The following GATAD2A variants were observed in gnomAD, a reference collection of about 807,000 sequenced individuals.
The protein encoded by GATAD2A is transcriptional repressor p66-alpha.
GATAD2A carries 12 observed loss-of-function variants against 68.5 expected under a neutral mutation model. That is an observed-to-expected ratio of 0.18 (90% confidence interval 0.11 to 0.28). The LOEUF (loss-of-function observed/expected upper bound fraction) is 0.28, where lower values mean the gene tolerates loss of function less well. GATAD2A is among the 10% of genes least tolerant of loss of function. GATAD2A has a pLI of 1.00. For missense variants in GATAD2A, 755 were observed against 868.5 expected (o/e 0.87, Z 1.64); for synonymous variants, 410 against 375.3 (o/e 1.09, Z -1.07).
chr19:19,410,553 C>G (rs574833795), intron 1 of GATAD2A, among the ~76,000 whole-genome samples: 1 of 152,184 alleles, frequency 6.6e-6, no homozygotes, highest in Non-Finnish European at 1.5e-5. Flanking sequence ...CCTGCCTTGC[C>G]GGTTAGATAT....
At chr19:19,406,745 G>C (rs1249652962) in intron 1 of GATAD2A, among the ~76,000 whole-genome samples, 1 of 152,186 alleles carries the variant, frequency 6.6e-6, no homozygotes, top group Non-Finnish European at 1.5e-5. Context: ...GCCAAGAATC[G>C]GAATTGATCA....
chr19:19,387,355 C>T lies in GATAD2A; in HGVS notation c.-7+1217C>T, dbSNP rs1401579955. Among the ~76,000 whole-genome samples, 7 of 150,644 alleles carry T rather than the reference C, an allele frequency of 4.6e-5. No individual in the cohort carries two copies. The South Asian group carries it at 1.1e-3, about 23-fold the overall frequency. On this transcript the variant is annotated intron_variant, in intron 1 of 11. Coordinates refer to the GATAD2A transcript ENST00000360315. ...TTTTTTTTGAGACAGAGTCTCATTC[C>T]GTCTCCCAGGCTGGAGTGCAGTGGT...
chr19:19,446,095 C>A (rs940493154), intron 1 of GATAD2A, among the ~76,000 whole-genome samples: 1 of 152,172 alleles, frequency 6.6e-6, no homozygotes, highest in African/African-American at 2.4e-5. Context: ...GTCACTCTAC[C>A]GTTTTACTTT....
intron 1 of GATAD2A, among the ~76,000 whole-genome samples, chr19:19,463,951 TG>T (rs1222329165): frequency 1.3e-5 from 2 of 152,236 alleles, no homozygotes; most frequent in Non-Finnish European, 2.9e-5. Flanking sequence ...CTTGCGCTAT[TG>T]CTCATTTGTG....
chr19:19,403,034 A>G (rs2049911786), upstream of GATAD2A, among the ~76,000 whole-genome samples: 1 of 152,020 alleles, frequency 6.6e-6, no homozygotes, highest in South Asian at 2.1e-4. Context: ...CGGCCTCCCA[A>G]AGTTCTGGGA....
In GATAD2A at chr19:19,408,881, T is replaced by A. The variant is rs968707432; in HGVS notation, c.-7+2862T>A. On this transcript the variant is annotated intron_variant, in intron 1 of 11. Coordinates refer to ENST00000683918, the MANE Select transcript of GATAD2A (RefSeq NM_001384528.1). Reference sequence around the variant, plus strand: ...TCAGAGAACAAGAAGGGGGACCCTCTTGAAGGGGATTAAGGCAAGGGCTGG... The same window carrying A: ...TCAGAGAACAAGAAGGGGGACCCTCATGAAGGGGATTAAGGCAAGGGCTGG... 5.9e-5 allele frequency among the ~76,000 whole-genome samples: 9 copies of A among 152,212 alleles called. 1 individual carries two copies. In the Middle Eastern group the frequency reaches 0.027, roughly 460 times the overall value.
intron 1 of GATAD2A, among the ~76,000 whole-genome samples, chr19:19,463,006 A>T (rs925880007): frequency 4.6e-5 from 7 of 152,088 alleles, no homozygotes; most frequent in African/African-American, 1.4e-4. Flanking sequence ...TATGTCCTGG[A>T]GGTGGAGGTG....
chr19:19,403,644 A>G (rs1287855296), upstream of GATAD2A, among the ~76,000 whole-genome samples: 1 of 152,114 alleles, frequency 6.6e-6, no homozygotes, highest in Non-Finnish European at 1.5e-5. Flanking sequence ...TATCTGTCTC[A>G]AGTGTCAGGT....
rs150309437 is a variant in GATAD2A, at chr19:19,468,009, T to G, written c.269+2395T>G. Among the ~76,000 whole-genome samples, 802 of 152,346 alleles carry G rather than the reference T, an allele frequency of 5.3e-3. 6 individuals are homozygous for G. The highest frequency in any genetic ancestry group is 0.041 in the South Asian group (196 of 4,826). On this transcript the variant is annotated intron_variant, in intron 2 of 11. Coordinates refer to ENST00000683918, the MANE Select transcript of GATAD2A (RefSeq NM_001384528.1). Reference sequence around the variant, plus strand: ...TAAATTGAGGGTGGAGGGCAACTTCTGGTTGTGTTGAATGAGGAGATTGGC... The same window carrying G: ...TAAATTGAGGGTGGAGGGCAACTTCGGGTTGTGTTGAATGAGGAGATTGGC...
chr19:19,454,454 C>T (rs1013706242), intron 1 of GATAD2A, among the ~76,000 whole-genome samples: 1 of 151,806 alleles, frequency 6.6e-6, no homozygotes, highest in African/African-American at 2.4e-5. Context: ...AAAAAATTAG[C>T]TGGGTGTGTT....
intron 2 of GATAD2A, among the ~76,000 whole-genome samples, chr19:19,478,575 CAG>C (rs1425505973): frequency 1.3e-5 from 2 of 151,486 alleles, no homozygotes; most frequent in Non-Finnish European, 2.9e-5. Flanking sequence ...GCCTCGGCGA[CAG>C]AGTGAGACTC....
chr19:19,458,172 T>C (rs540469054), intron 1 of GATAD2A, among the ~76,000 whole-genome samples: 47 of 152,296 alleles, frequency 3.1e-4, no homozygotes, highest in Non-Finnish European at 5.6e-4. Context: ...GTAGTAGACA[T>C]CTGTTCTCCT....
rs2060300116 is a variant in GATAD2A at position 19,498,510 on chromosome 19, T to C, written c.992T>C (p.Val331Ala). The C allele has an allele frequency of 6.2e-7, 1 of 1,613,646 alleles. No homozygotes were observed. Among genetic ancestry groups the C allele is most frequent in the African/African-American group, 1.3e-5 (1 of 74,928 alleles). Reference sequence around the variant, plus strand: ...CAGGCCAACTCCACCCCCACTAGTGTGGCCTCTGTGGTCACCTCTGCCGAG... The same window carrying C: ...CAGGCCAACTCCACCCCCACTAGTGCGGCCTCTGTGGTCACCTCTGCCGAG... Reference protein sequence around the residue: ...SAQANSTPTSVASVVTSAESP... With the variant: ...SAQANSTPTSAASVVTSAESP... The change falls in exon 8 of 12, where the codon GTG (valine) becomes GCG (alanine). Residue 331 changes from valine (V) to alanine (A), a missense_variant. Transcript: ENST00000683918.
chr19:19,499,910 C>A (rs990796406), intron 8 of GATAD2A, among the ~76,000 whole-genome samples: 1 of 152,228 alleles, frequency 6.6e-6, no homozygotes, highest in Non-Finnish European at 1.5e-5. Flanking sequence ...GAGGCTCTGA[C>A]ACAGCCCGGC....
At chr19:19,479,050 G>A (rs2058873932) in intron 2 of GATAD2A, among the ~76,000 whole-genome samples, 1 of 152,166 alleles carries the variant, frequency 6.6e-6, no homozygotes, top group Non-Finnish European at 1.5e-5. Flanking sequence ...TGGAGAAGAG[G>A]TTGGAGAGTG....
chr19:19,448,465 C>T (rs115152107), intron 1 of GATAD2A, among the ~76,000 whole-genome samples: 2 of 152,314 alleles, frequency 1.3e-5, no homozygotes, highest in East Asian at 3.9e-4. Context: ...AGTGTGAGCA[C>T]AGGGAGCTAT....
intron 2 of GATAD2A, among the ~76,000 whole-genome samples, chr19:19,475,112 G>A (rs975868965): frequency 2.0e-5 from 3 of 152,246 alleles, no homozygotes; most frequent in African/African-American, 7.2e-5. Context: ...GCAGAGCTGA[G>A]CTTCCACCCC....
At chr19:19,498,823 G>C in intron 8 of GATAD2A, 101 bp downstream of exon 8, 1 of 1,047,336 alleles carries the variant, frequency 9.5e-7, no homozygotes, top group Non-Finnish European at 1.4e-6. Flanking sequence ...GGGCAGGGCT[G>C]CCTAGCCAGG....
intron 1 of GATAD2A, among the ~76,000 whole-genome samples, chr19:19,395,235 A>G (rs936481053): frequency 2.0e-5 from 3 of 152,142 alleles, no homozygotes; most frequent in African/African-American, 7.2e-5. Context: ...CAGGCGGATC[A>G]TTTGAGCCCA....
Sources: allele counts gnomAD v4.1 joint callset (sites outside exome capture counted in the v4.1 genomes callset), GRCh38; gene constraint gnomAD v4.1.1; transcripts MANE v1.5; gene names NCBI Gene and HGNC (gene_info 2026-07-23, HGNC 2026-07-21).